PDXDC1: variants seen among roughly 807,000 people sequenced by gnomAD.
PDXDC1 encodes the protein pyridoxal-dependent decarboxylase domain-containing protein 1.
In PDXDC1, 42 loss-of-function variants were observed where a neutral mutation model predicts 100.1. The ratio of observed to expected loss-of-function variants is 0.42; its 90% CI spans 0.33 to 0.54. The LOEUF (loss-of-function observed/expected upper bound fraction) is 0.54. PDXDC1 is among the 20% of genes least tolerant of loss of function. The pLI, the probability that PDXDC1 is intolerant of heterozygous loss-of-function variation, is 0.10. For missense variants in PDXDC1, 636 were observed against 979.2 expected (o/e 0.65, Z 4.68); for synonymous variants, 260 against 371.7 (o/e 0.70, Z 3.46).
At chr16:15,079,059 C>T (rs1025845136) in intron 16 of PDXDC1, among the ~76,000 whole-genome samples, 1 of 152,146 alleles carries the variant, frequency 6.6e-6, no homozygotes, top group Admixed American at 6.5e-5. Context: ...ATCCGCCCGC[C>T]TCGGCCTCCC....
rs2048171504 is a variant in PDXDC1, at chr16:15,132,835, G to A, written c.1400-6044G>A. On this transcript the variant is annotated intron_variant, in intron 16 of 16. Transcript: ENST00000535621. ...GTATCTGGGCTCGGCGCTGCCGCTCGTGCTTGGGCTCTGCCGCCACGTCCA... is the reference window on the plus strand; with the variant it reads ...GTATCTGGGCTCGGCGCTGCCGCTCATGCTTGGGCTCTGCCGCCACGTCCA... 2.7e-5 allele frequency: 43 copies of A among 1,568,526 alleles called. 1 individual carries two copies. The highest frequency in any genetic ancestry group is 2.3e-4 in the South Asian group (21 of 90,470).
chr16:14,992,776 C>T (rs1481673859), intron 1 of PDXDC1, among the ~76,000 whole-genome samples: 30 of 152,342 alleles, frequency 2.0e-4, no homozygotes, highest in African/African-American at 5.5e-4. Flanking sequence ...ATAGGCAAGT[C>T]GCTTAACCTC....
intron 16 of PDXDC1, among the ~76,000 whole-genome samples, chr16:15,117,393 G>A (rs1335685342): frequency 6.9e-6 from 1 of 144,956 alleles, no homozygotes; most frequent in African/African-American, 2.6e-5. Flanking sequence ...AGGCGCGGTG[G>A]CTCACGCCTG....
At chr16:15,095,596 T>A (rs2046326513) in intron 16 of PDXDC1, among the ~76,000 whole-genome samples, 1 of 152,102 alleles carries the variant, frequency 6.6e-6, no homozygotes, top group Admixed American at 6.6e-5. Flanking sequence ...TCACGCCTGT[T>A]ATCCCAACAC....
At chr16:15,087,797 T>A (rs1367312326) in intron 16 of PDXDC1, among the ~76,000 whole-genome samples, 1 of 152,220 alleles carries the variant, frequency 6.6e-6, no homozygotes, top group Non-Finnish European at 1.5e-5. Flanking sequence ...ACTATAAGGA[T>A]AACATTTAAA....
intron 3 of PDXDC1, among the ~76,000 whole-genome samples, chr16:14,999,017 C>T (rs1375807337): frequency 6.6e-6 from 1 of 152,270 alleles, no homozygotes; most frequent in Non-Finnish European, 1.5e-5. Context: ...CCCAGGAGTT[C>T]AAGGTTACAG....
intron 16 of PDXDC1, among the ~76,000 whole-genome samples, chr16:15,076,024 A>G (rs918091198): frequency 5.9e-5 from 9 of 152,154 alleles, no homozygotes; most frequent in South Asian, 2.1e-4. Context: ...CAAACTCTGT[A>G]GACCAATCCA....
chr16:15,002,088 C>T (rs1171741980), intron 4 of PDXDC1, among the ~76,000 whole-genome samples: 9 of 152,280 alleles, frequency 5.9e-5, no homozygotes, highest in African/African-American at 9.6e-5. Flanking sequence ...CTTAGAGAGG[C>T]GCTGGCAGAA....
the PDXDC1 span, among the ~76,000 whole-genome samples, chr16:15,146,431 A>G: frequency 6.6e-6 from 1 of 152,152 alleles, no homozygotes; most frequent in Non-Finnish European, 1.5e-5. Flanking sequence ...AAAGAACAAA[A>G]GGAGTGAGGA....
At chr16:15,044,523 A>C (rs979987409) in intron 16 of PDXDC1, 14 of 736,158 alleles carry the variant, frequency 1.9e-5, no homozygotes, top group Middle Eastern at 3.3e-4. Flanking sequence ...GCAGAGCTGC[A>C]GGTCATCTTC....
rs543273590 is a variant in PDXDC1, at chr16:15,130,349, G to T, written c.1400-8530G>T. ...TCCGCCACACCACGTCCTCCTCGCT[G>T]AAGTACTGGCACAGGGACGTGTACA... On this transcript the variant is annotated intron_variant, in intron 16 of 16. Transcript: ENST00000535621. The T allele has an allele frequency of 3.9e-5, 61 of 1,558,340 alleles. 2 individuals are homozygous for T. In the South Asian group the frequency reaches 6.9e-4, roughly 18 times the overall value.
At chr16:15,038,766 T>C (rs2043667375), downstream of PDXDC1, 3 of 734,416 alleles carry the variant, frequency 4.1e-6, no homozygotes, top group South Asian at 3.3e-5. Flanking sequence ...CAAGCTCCAG[T>C]GTAGTCCTTT....
At chr16:15,017,929 G>A (rs2041914991) in intron 11 of PDXDC1, among the ~76,000 whole-genome samples, 1 of 152,186 alleles carries the variant, frequency 6.6e-6, no homozygotes, top group Admixed American at 6.5e-5. Context: ...CAAGTAGCTG[G>A]GATTACAGGC....
In PDXDC1 at chr16:15,012,942, C is replaced by T. The variant is rs559716206; in HGVS notation, c.727+3183C>T. 5.1e-4 allele frequency among the ~76,000 whole-genome samples: 77 copies of T among 152,314 alleles called. 1 individual carries two copies. The South Asian group carries it at 8.3e-3, about 16-fold the overall frequency. Reference sequence around the variant, plus strand: ...ATCCCAGCACTTTGGGAGGCCGAGGCGGGCAGATTACGAGGTCAGGAGATC... The same window carrying T: ...ATCCCAGCACTTTGGGAGGCCGAGGTGGGCAGATTACGAGGTCAGGAGATC... On this transcript the variant is annotated intron_variant, in intron 8 of 22. Coordinates refer to ENST00000396410, the MANE Select transcript of PDXDC1 (RefSeq NM_015027.4).
intron 16 of PDXDC1, chr16:15,061,033 T>G (rs1365006135): frequency 6.6e-6 from 1 of 152,220 alleles, no homozygotes; most frequent in Non-Finnish European, 1.5e-5. Context: ...GTCTTTTAAA[T>G]CCATTTTTTC....
At chr16:14,991,267 A>ATGTGTGTGTGTGTGTG (rs10642182) in intron 1 of PDXDC1, among the ~76,000 whole-genome samples, 1 of 149,764 alleles carries the variant, frequency 6.7e-6, no homozygotes, top group Admixed American at 6.6e-5. Flanking sequence ...GTATATAGAT[A>ATGTGTGTGTGTGTGTG]TGTGTGTGTG....
rs2043459399 is a variant in PDXDC1 at position 15,036,468 on chromosome 16, T to C, written c.*193T>C. The C allele has an allele frequency of 4.0e-6, 2 of 498,322 alleles. No homozygotes were observed. The highest frequency in any genetic ancestry group is 7.0e-6 in the Non-Finnish European group (2 of 286,670). 30.9% of individuals were successfully genotyped at this position (498,322 alleles called of 1,614,324 possible). ...CAGCTTGTCTAACTTCATGTACATG[T>C]AGAACCACGTTTGCTGTCCTACTAC... On this transcript the variant is annotated 3_prime_UTR_variant, in exon 23 of 23. Coordinates refer to ENST00000396410, the MANE Select transcript of PDXDC1 (RefSeq NM_015027.4).
chr16:15,051,408 A>G (rs1282171362), intron 16 of PDXDC1, among the ~76,000 whole-genome samples: 1 of 152,184 alleles, frequency 6.6e-6, no homozygotes, highest in Non-Finnish European at 1.5e-5. Context: ...GCTGGAGTGC[A>G]GCGGCGAGAT....
chr16:14,991,308 TTTG>T (rs1970764288), intron 1 of PDXDC1, among the ~76,000 whole-genome samples: 1 of 144,762 alleles, frequency 6.9e-6, no homozygotes, highest in African/African-American at 2.5e-5. Context: ...TGTGTGTGTA[TTTG>T]TTGTTGTCGA....
Sources: gnomAD v4.1 joint callset for allele counts (sites outside exome capture counted in the v4.1 genomes callset) on GRCh38, gnomAD v4.1.1 for gene constraint, MANE v1.5 for transcripts, NCBI Gene and HGNC (gene_info 2026-07-23, HGNC 2026-07-21) for gene names.